Variants in ZNF772 observed in about 807,000 individuals in gnomAD.
ZNF772 encodes zinc finger protein 772.
A neutral mutation model predicts 11.0 loss-of-function variants in ZNF772; 8 were observed. The observed-to-expected ratio is 0.73, with a 90% CI of 0.43 to 1.31. ZNF772 has a LOEUF of 1.31. ZNF772 is among the 50% of genes most tolerant of loss of function. The probability of loss-of-function intolerance (pLI) is 0.01; values close to 1 mark genes in which losing one functional copy is unlikely to be tolerated. For missense variants in ZNF772, 496 were observed against 552.3 expected (o/e 0.90, Z 1.02); for synonymous variants, 155 against 180.4 (o/e 0.86, Z 1.13).
At position 57,475,679 on chromosome 19, in the gene ZNF772, A is replaced by C; in HGVS notation, c.180T>G (p.Phe60Leu). The change falls in exon 3 of 4, where the codon TTT becomes TTG. Residue 60 changes from phenylalanine to leucine, a missense_variant. By Grantham distance (22) the Phe-to-Leu change is conservative (BLOSUM62 0). Transcript: ENST00000356584. The surrounding 1 kb of genome is among the most constrained non-coding windows in gnomAD (Gnocchi z 4.2). ...CCTTACCCAGAGAGGCCATAAGTGCAAAGTTCTCCAGCATCACATCACGGT... is the reference window on the plus strand; with the variant it reads ...CCTTACCCAGAGAGGCCATAAGTGCCAAGTTCTCCAGCATCACATCACGGT... The part of the protein sequence containing the change: ...LLYRDVMLEN[F>L]ALMASLGCWH... 6.2e-7 allele frequency: 1 copy of C among 1,614,072 alleles called. No homozygotes were observed. Among genetic ancestry groups the C allele is most frequent in the Non-Finnish European group, 8.5e-7 (1 of 1,179,926 alleles).
In ZNF772 at chr19:57,473,640, A is replaced by G; in HGVS notation, c.981T>C (p.His327=). Residue 327 remains histidine (H), a synonymous_variant, in exon 4 of 4, where the codon CAT becomes CAC. Transcript: ENST00000356584. ...GCCTTTCTCCAGTATGGATACTCTC[A>G]TGCTGAACAAGTGTAGATTTGTGAC... ...AYSHKSTLVQ[H]ESIHTGERPY... is the part of the protein sequence containing the mutation. 1 of 1,612,202 alleles carries G rather than the reference A, an allele frequency of 6.2e-7. No homozygotes were observed. The highest frequency in any genetic ancestry group is 8.5e-7 in the Non-Finnish European group (1 of 1,178,602).
In ZNF772 at chr19:57,477,266, G is replaced by T. The variant is rs1286378348; in HGVS notation, c.33+11C>A. ...GGGGTCAGCGCGCAGACTCGCAGAC[G>T]CAGCACCCACCTGTGCCGGGCCCAT... On this transcript the variant is annotated intron_variant, in intron 1 of 3. Transcript: ENST00000356584. 1 of 1,613,036 alleles carries T rather than the reference G, an allele frequency of 6.2e-7. No individual in the cohort carries two copies. The highest frequency in any genetic ancestry group is 1.7e-5 in the Admixed American group (1 of 59,850).
chr19:57,473,213 T>C lies in ZNF772; in HGVS notation c.*61A>G, dbSNP rs1197598898. ...TGTCGGCTACACATAAAGGCTATGC[T>C]TGGAGCTTCTCTCTGATGTCAGTTA... On this transcript the variant is annotated 3_prime_UTR_variant, in exon 4 of 4. Coordinates refer to ENST00000356584, the MANE Select transcript of ZNF772 (RefSeq NM_001144068.2). 2.6e-6 allele frequency: 4 copies of C among 1,516,018 alleles called. No individual in the cohort carries two copies. Among genetic ancestry groups the C allele is most frequent in the Non-Finnish European group, 3.6e-6 (4 of 1,116,458 alleles). 93.9% of individuals were successfully genotyped at this position (1,516,018 alleles called of 1,614,324 possible). A position where few individuals can be genotyped will look rare whatever the true frequency, so the allele number is the denominator to read the frequency against.
chr19:57,474,898 C>G, intron 3 of ZNF772: 1 of 1,379,628 alleles, frequency 7.2e-7, no homozygotes, highest in African/African-American at 1.4e-5. Context: ...ATGGAACATC[C>G]AGAGGCCAAA....
rs1395272371 is a variant in ZNF772, at chr19:57,470,832, A to G, written c.*2442T>C. 1.3e-5 allele frequency: 2 copies of G among 152,192 alleles called. No individual in the cohort carries two copies. The highest frequency in any genetic ancestry group is 4.8e-5 in the African/African-American group (2 of 41,456). The allele number at this position is 152,192 out of a possible 1,614,324, so 9.4% of individuals were successfully genotyped here. A position where few individuals can be genotyped will look rare whatever the true frequency, so the allele number is the denominator to read the frequency against. ...CAAACCATCAAAGCTCACTCTAGAG[A>G]TAGATGGATGGATGGAGTGACAAAC... On this transcript the variant is annotated 3_prime_UTR_variant, in exon 4 of 4. Transcript: ENST00000356584.
In ZNF772 at chr19:57,473,867, G is replaced by T. The variant is rs1238672187; in HGVS notation, c.754C>A (p.Pro252Thr). 1.2e-6 allele frequency: 2 copies of T among 1,614,046 alleles called. No individual in the cohort carries two copies. The highest frequency in any genetic ancestry group is 1.7e-6 in the Non-Finnish European group (2 of 1,179,998). Residue 252 changes from proline (P) to threonine (T), a missense_variant, in exon 4 of 4, where the codon CCT (proline) becomes ACT (threonine). Pro to Thr is a conservative substitution (Grantham distance 38). Transcript: ENST00000356584. ...QHQRVHTGER[P>T]YECGECGKTF... is the part of the protein sequence containing the mutation. The stretch of plus-strand genomic sequence containing the variant: ...TTCCCACATTCACCGCACTCATAAG[G>T]CCTTTCTCCAGTGTGGACTCTCTGG...
At position 57,473,068 on chromosome 19, in the gene ZNF772, A is replaced by T. The variant is rs1600117698; in HGVS notation, c.*206T>A. Reference sequence around the variant, plus strand: ...ATGGCTTCTAACAGGCACTGCCTTGACGAAATTCCAGCAAGAGTCTAGAAA... The same window carrying T: ...ATGGCTTCTAACAGGCACTGCCTTGTCGAAATTCCAGCAAGAGTCTAGAAA... On this transcript the variant is annotated 3_prime_UTR_variant, in exon 4 of 4. Coordinates refer to ENST00000356584, the MANE Select transcript of ZNF772 (RefSeq NM_001144068.2). 1 of 589,682 alleles carries T rather than the reference A, an allele frequency of 1.7e-6. No individual in the cohort carries two copies. The highest frequency in any genetic ancestry group is 3.0e-6 in the Non-Finnish European group (1 of 337,348). The allele number at this position is 589,682 out of a possible 1,614,324, so 36.5% of individuals were successfully genotyped here.
Position 57,473,589 on chromosome 19 carries a change from T to C in ZNF772, c.1032A>G (p.Lys344=), listed in dbSNP as rs932994108. The C allele has an allele frequency of 4.3e-6, 7 of 1,613,754 alleles. No individual in the cohort carries two copies. In the South Asian group the frequency reaches 6.6e-5, roughly 15 times the overall value. Residue 344 remains lysine (K), a synonymous_variant, in exon 4 of 4, where the codon AAA becomes AAG. Transcript: ENST00000356584. Reference sequence around the variant, plus strand: ...TGAGTCTGTATTTGTGACCAAAGTATTTTCCACATTCGCTGCACTCATATG... The same window carrying C: ...TGAGTCTGTATTTGTGACCAAAGTACTTTCCACATTCGCTGCACTCATATG... The part of the protein sequence containing the change: ...ERPYECSECG[K]YFGHKYRLIK...
intron 3 of ZNF772, 145 bp from the exon 4 acceptor site, chr19:57,474,566 G>A: frequency 1.3e-6 from 1 of 781,564 alleles, no homozygotes; most frequent in Non-Finnish European, 2.0e-6. Context: ...TTCAGCAAAT[G>A]TGTACTATAC....
chr19:57,473,174 G>T lies in ZNF772; in HGVS notation c.*100C>A. On this transcript the variant is annotated 3_prime_UTR_variant, in exon 4 of 4. Coordinates refer to ENST00000356584, the MANE Select transcript of ZNF772 (RefSeq NM_001144068.2). ...CAGGGTGAGTGTTTGAGTGTATAAA[G>T]TTCTACTTCTGGCTGTCGGCTACAC... 8.2e-7 allele frequency: 1 copy of T among 1,220,512 alleles called. No homozygotes were observed. Among genetic ancestry groups the T allele is most frequent in the Non-Finnish European group, 1.1e-6 (1 of 885,438 alleles). 75.6% of individuals were successfully genotyped at this position (1,220,512 alleles called of 1,614,324 possible). A position where few individuals can be genotyped will look rare whatever the true frequency, so the allele number is the denominator to read the frequency against.
rs757433577 is a variant in ZNF772, at chr19:57,473,355, C to T, written c.1266G>A (p.Lys422=). 2.5e-6 allele frequency: 4 copies of T among 1,614,018 alleles called. No individual in the cohort carries two copies. The highest frequency in any genetic ancestry group is 1.1e-5 in the South Asian group (1 of 91,088). The change falls in exon 4 of 4, where the codon AAG becomes AAA. Residue 422 remains lysine, a synonymous_variant. Coordinates refer to ENST00000356584, the MANE Select transcript of ZNF772 (RefSeq NM_001144068.2). ...TGAAGGCCTTCCCACATTCACTGCACTTATATGGCCTTTCTCCAGTGTGAA... is the reference window on the plus strand; with the variant it reads ...TGAAGGCCTTCCCACATTCACTGCATTTATATGGCCTTTCTCCAGTGTGAA... ...HRIHTGERPY[K]CSECGKAFRQ... is the part of the protein sequence containing the mutation.
Position 57,473,628 on chromosome 19 carries a change from A to G in ZNF772, c.993T>C (p.His331=), listed in dbSNP as rs774874633. The G allele has an allele frequency of 6.2e-7, 1 of 1,613,264 alleles. No homozygotes were observed. Among genetic ancestry groups the G allele is most frequent in the Non-Finnish European group, 8.5e-7 (1 of 1,179,822 alleles). The change falls in exon 4 of 4, where the codon CAT becomes CAC. Residue 331 remains histidine (H), a synonymous_variant. Coordinates refer to ENST00000356584, the MANE Select transcript of ZNF772 (RefSeq NM_001144068.2). ...TGCACTCATATGGCCTTTCTCCAGT[A>G]TGGATACTCTCATGCTGAACAAGTG... ...KSTLVQHESI[H]TGERPYECSE...
rs1242444988 is a variant in ZNF772, at chr19:57,470,474, G to A, written c.*2800C>T. The A allele has an allele frequency of 1.3e-5, 2 of 152,030 alleles. No homozygotes were observed. The highest frequency in any genetic ancestry group is 4.8e-5 in the African/African-American group (2 of 41,390). The allele number at this position is 152,030 out of a possible 1,614,324, so 9.4% of individuals were successfully genotyped here. Reference sequence around the variant, plus strand: ...CATATTAGGGGAAAAAAACCCAAAGGTTTGAAATGAAGGACCTCAGCTTCC... The same window carrying A: ...CATATTAGGGGAAAAAAACCCAAAGATTTGAAATGAAGGACCTCAGCTTCC... On this transcript the variant is annotated 3_prime_UTR_variant, in exon 4 of 4. Transcript: ENST00000356584.
rs1255778130 is a variant in ZNF772, at chr19:57,477,410, T to G, written c.-101A>C. The G allele has an allele frequency of 7.4e-7, 1 of 1,345,152 alleles. No homozygotes were observed. The highest frequency in any genetic ancestry group is 1.4e-5 in the African/African-American group (1 of 69,110). The allele number at this position is 1,345,152 out of a possible 1,614,324, so 83.3% of individuals were successfully genotyped here. A position where few individuals can be genotyped will look rare whatever the true frequency, so the allele number is the denominator to read the frequency against. Reference sequence around the variant, plus strand: ...CTAGGTCACTCAGGCAGCGCCACTGTCAAGCCTCAGGCCCACCTCTCTTCA... The same window carrying G: ...CTAGGTCACTCAGGCAGCGCCACTGGCAAGCCTCAGGCCCACCTCTCTTCA... On this transcript the variant is annotated 5_prime_UTR_variant, in exon 1 of 4. Coordinates refer to ENST00000356584, the MANE Select transcript of ZNF772 (RefSeq NM_001144068.2).
chr19:57,473,691 C>T lies in ZNF772; in HGVS notation c.930G>A (p.Lys310=), dbSNP rs780811501. 1.9e-6 allele frequency: 3 copies of T among 1,614,102 alleles called. No homozygotes were observed. The highest frequency in any genetic ancestry group is 2.5e-6 in the Non-Finnish European group (3 of 1,180,022). The change falls in exon 4 of 4, where the codon AAG becomes AAA. Residue 310 remains lysine, a synonymous_variant. Coordinates refer to ENST00000356584, the MANE Select transcript of ZNF772 (RefSeq NM_001144068.2). ...TATAGGCTTTCCCACATTCACTGCA[C>T]TTGTAAGGCCTTGCTCCAGTGTGTA... ...QRVHTGARPY[K]CSECGKAYSH... is the part of the protein sequence containing the mutation.
chr19:57,475,730 G>C lies in ZNF772; in HGVS notation c.129C>G (p.Leu43=). The change falls in exon 3 of 4, where the codon CTC becomes CTG. Residue 43 remains leucine, a synonymous_variant. Coordinates refer to ENST00000356584, the MANE Select transcript of ZNF772 (RefSeq NM_001144068.2). The surrounding 1 kb of genome is among the most constrained non-coding windows in gnomAD (Gnocchi z 4.2). ...FVYFSQEEWV[L]LDEAQRLLYR... The stretch of plus-strand genomic sequence containing the variant: ...ACAGGAGCCTCTGAGCCTCATCAAG[G>C]AGCACCCACTCCTCCTGGGAGAAGT... 2 of 1,613,696 alleles carry C rather than the reference G, an allele frequency of 1.2e-6. 1 individual carries two copies. The highest frequency in any genetic ancestry group is 3.3e-4 in the Middle Eastern group (2 of 6,058).
chr19:57,474,503 C>A, intron 3 of ZNF772, 82 bp from the exon 4 acceptor site: 1 of 1,394,046 alleles, frequency 7.2e-7, no homozygotes, highest in Non-Finnish European at 9.7e-7. Context: ...GTGTCTAACA[C>A]AACTAAGACC....
chr19:57,473,831 G>A lies in ZNF772; in HGVS notation c.790C>T (p.Arg264Cys), dbSNP rs187566501. ...ECGECGKTFS[R>C]KPILAQHQRI... ...TGGTGCTGAGCAAGTATGGGTTTGCGGCTAAAGGTTTTCCCACATTCACCG... is the reference window on the plus strand; with the variant it reads ...TGGTGCTGAGCAAGTATGGGTTTGCAGCTAAAGGTTTTCCCACATTCACCG... The change falls in exon 4 of 4, where the codon CGC becomes TGC. Residue 264 changes from arginine (R) to cysteine (C), a missense_variant. By Grantham distance (180) the Arg-to-Cys change is radical (BLOSUM62 -3). Coordinates refer to ENST00000356584, the MANE Select transcript of ZNF772 (RefSeq NM_001144068.2). 61 of 1,614,060 alleles carry A rather than the reference G, an allele frequency of 3.8e-5. 1 individual carries two copies. The highest frequency in any genetic ancestry group is 3.6e-4 in the South Asian group (33 of 91,076).
At position 57,470,997 on chromosome 19, in the gene ZNF772, T is replaced by G. The variant is rs1325439614; in HGVS notation, c.*2277A>C. 1 of 152,152 alleles carries G rather than the reference T, an allele frequency of 6.6e-6. No homozygotes were observed. Among genetic ancestry groups the G allele is most frequent in the African/African-American group, 2.4e-5 (1 of 41,444 alleles). The allele number at this position is 152,152 out of a possible 1,614,324, so 9.4% of individuals were successfully genotyped here. A position where few individuals can be genotyped will look rare whatever the true frequency, so the allele number is the denominator to read the frequency against. ...GACAGACAACACACACACAGACAGA[T>G]GTACATATAACTTGTACAGCCCTCT... On this transcript the variant is annotated 3_prime_UTR_variant, in exon 4 of 4. Coordinates refer to ENST00000356584, the MANE Select transcript of ZNF772 (RefSeq NM_001144068.2).
Sources: allele counts gnomAD v4.1 joint callset, GRCh38; gene constraint gnomAD v4.1.1; non-coding constraint Gnocchi (gnomAD v3.1); transcripts MANE v1.5; gene names NCBI Gene and HGNC (gene_info 2026-07-23, HGNC 2026-07-21).